TPRA1: variants seen among roughly 807,000 people sequenced by gnomAD.
TPRA1 encodes the protein transmembrane protein adipocyte associated 1.
TPRA1 carries 28 observed loss-of-function variants against 40.1 expected under a neutral mutation model. The observed-to-expected ratio is 0.70, with a 90% confidence interval of 0.52 to 0.96. The LOEUF is 0.96. Among genes scored for constraint, TPRA1 ranks in the 40% least tolerant of loss-of-function variants. The probability of loss-of-function intolerance (pLI) is 0.00; values close to 1 mark genes in which losing one functional copy is unlikely to be tolerated. For missense variants in TPRA1, 441 were observed against 482.6 expected (o/e 0.91, Z 0.81); for synonymous variants, 219 against 209.7 (o/e 1.04, Z -0.38).
At chr3:127,574,646 G>A (rs1340856830) in intron 10 of TPRA1, among the ~76,000 whole-genome samples, 1 of 152,212 alleles carries the variant, frequency 6.6e-6, no homozygotes, top group African/African-American at 2.4e-5. Context: ...CACACAGTAG[G>A]TGCTCAATGA....
Position 127,580,123 on chromosome 3 carries a change from A to T in TPRA1, c.24T>A (p.Thr8=). MDTLEEV[T]WANGSTALPP... ...GTAGCGCTGTGCTCCCATTGGCCCAAGTCACCTCCTCCAGGGTGTCCATCC... is the reference window on the plus strand; with the variant it reads ...GTAGCGCTGTGCTCCCATTGGCCCATGTCACCTCCTCCAGGGTGTCCATCC... Residue 8 remains threonine, a synonymous_variant, in exon 2 of 11, where the codon ACT becomes ACA. Transcript: ENST00000355552. The T allele has an allele frequency of 6.2e-7, 1 of 1,613,418 alleles. No homozygotes were observed. Among genetic ancestry groups the T allele is most frequent in the Non-Finnish European group, 8.5e-7 (1 of 1,179,986 alleles).
intron 3 of TPRA1, among the ~76,000 whole-genome samples, chr3:127,578,086 A>G (rs2073707068): frequency 6.7e-6 from 1 of 149,096 alleles, no homozygotes; most frequent in Admixed American, 6.9e-5. Context: ...CCTGAGGCCC[A>G]GGAACTGCCC....
intron 2 of TPRA1, 24 bp from the exon 3 acceptor site, chr3:127,579,896 G>A (rs1053419819): frequency 1.9e-6 from 3 of 1,612,164 alleles, no homozygotes; most frequent in Non-Finnish European, 1.7e-6. Flanking sequence ...ACAGGAGCTG[G>A]CTCACTGGCG....
intron 3 of TPRA1, among the ~76,000 whole-genome samples, chr3:127,577,966 TG>T (rs2073702250): frequency 6.6e-6 from 1 of 152,216 alleles, no homozygotes; most frequent in Non-Finnish European, 1.5e-5. Flanking sequence ...ACCACCCTGC[TG>T]CCACAAGGGC....
intron 1 of TPRA1, among the ~76,000 whole-genome samples, chr3:127,581,695 C>T (rs1407928713): frequency 2.0e-5 from 3 of 151,386 alleles, no homozygotes; most frequent in Non-Finnish European, 4.4e-5. Flanking sequence ...GGCAGATTGC[C>T]TGAGCTCAGG....
In TPRA1 at chr3:127,586,629, G is replaced by C. The variant is rs143026365; in HGVS notation, c.-18+3781C>G. Among the ~76,000 whole-genome samples, 756 of 152,332 alleles carry C rather than the reference G, an allele frequency of 5.0e-3. 6 individuals carry two copies. The highest frequency in any genetic ancestry group is 0.017 in the African/African-American group (718 of 41,580). ...CTGCCTGAGCCTCCCAAAGTGCTGA[G>C]ATTACAGGTGTGGGCCACCATGACC... On this transcript the variant is annotated intron_variant, in intron 1 of 10. Transcript: ENST00000355552.
At chr3:127,579,651 TG>T in intron 3 of TPRA1, 88 bp downstream of exon 3, 1 of 1,443,924 alleles carries the variant, frequency 6.9e-7, no homozygotes, top group Non-Finnish European at 9.5e-7. Flanking sequence ...CAGCCATACC[TG>T]AAGCTTATTT....
rs749275394 is a variant in TPRA1 at position 127,573,512 on chromosome 3, C to T, written c.*9G>A. ...CTGGCCTGTCCTCCACAGGCCCTGG[C>T]AGCTGCCCTCAGGCATTGATGGCCT... On this transcript the variant is annotated 3_prime_UTR_variant, in exon 11 of 11. Transcript: ENST00000355552. The T allele has an allele frequency of 5.6e-6, 9 of 1,606,768 alleles. No individual in the cohort carries two copies. The highest frequency in any genetic ancestry group is 1.7e-5 in the Admixed American group (1 of 59,868).
chr3:127,578,180 G>C (rs1196613063), intron 3 of TPRA1, among the ~76,000 whole-genome samples: 1 of 152,202 alleles, frequency 6.6e-6, no homozygotes, highest in Non-Finnish European at 1.5e-5. Context: ...TCTGTCTTTT[G>C]TGCCATGAGA....
chr3:127,577,359 C>T (rs1463999915), intron 3 of TPRA1, among the ~76,000 whole-genome samples: 2 of 152,202 alleles, frequency 1.3e-5, no homozygotes, highest in Non-Finnish European at 2.9e-5. Flanking sequence ...AGCAGGAGTG[C>T]GCATGGTGGA....
chr3:127,579,945 C>T (rs1310780148), intron 2 of TPRA1, 73 bp from the exon 3 acceptor site: 2 of 1,608,724 alleles, frequency 1.2e-6, no homozygotes, highest in African/African-American at 2.7e-5. Flanking sequence ...CACAATCTGC[C>T]CCACCCTCAC....
rs1047890687 is a variant in TPRA1, at chr3:127,590,502, G to T, written c.-110C>A. 1 of 152,372 alleles carries T rather than the reference G, an allele frequency of 6.6e-6. No individual in the cohort carries two copies. Among genetic ancestry groups the T allele is most frequent in the East Asian group, 1.9e-4 (1 of 5,170 alleles). The allele number at this position is 152,372 out of a possible 1,614,324, so 9.4% of individuals were successfully genotyped here. A position where few individuals can be genotyped will look rare whatever the true frequency, so the allele number is the denominator to read the frequency against. On this transcript the variant is annotated 5_prime_UTR_variant, in exon 1 of 11. Transcript: ENST00000355552. ...GGTGTGCGCGGATCCAGCACAGGCC[G>T]CGGGACTCCGGCCTCCAGCGCCAGA...
At position 127,573,218 on chromosome 3, in the gene TPRA1, G is replaced by A. The variant is rs754379366; in HGVS notation, c.*303C>T. ...AGCCAGCCCTGCCCTCGTGCCAAGG[G>A]TGCAGAGAAGGAGGGTGCCCTCAGC... On this transcript the variant is annotated 3_prime_UTR_variant, in exon 11 of 11. Transcript: ENST00000355552. 3 of 328,690 alleles carry A rather than the reference G, an allele frequency of 9.1e-6. No homozygotes were observed. Among genetic ancestry groups the A allele is most frequent in the Non-Finnish European group, 1.7e-5 (3 of 177,162 alleles). The allele number at this position is 328,690 out of a possible 1,614,324, so 20.4% of individuals were successfully genotyped here.
Position 127,572,968 on chromosome 3 carries a change from G to A in TPRA1, c.*553C>T, listed in dbSNP as rs1395684845. On this transcript the variant is annotated 3_prime_UTR_variant, in exon 11 of 11. Transcript: ENST00000355552. ...CTTGGGCACTGGGGACTGCTCCTTG[G>A]TTGAGCAGAGGCCCCCTGAGCCTCC... 2 of 152,282 alleles carry A rather than the reference G, an allele frequency of 1.3e-5. No individual in the cohort carries two copies. The highest frequency in any genetic ancestry group is 1.5e-5 in the Non-Finnish European group (1 of 68,104). The allele number at this position is 152,282 out of a possible 1,614,324, so 9.4% of individuals were successfully genotyped here. A position where few individuals can be genotyped will look rare whatever the true frequency, so the allele number is the denominator to read the frequency against.
intron 3 of TPRA1, among the ~76,000 whole-genome samples, chr3:127,578,889 C>T (rs1486492143): frequency 1.3e-5 from 2 of 152,140 alleles, no homozygotes; most frequent in African/African-American, 4.8e-5. Context: ...GTCAGGCAGG[C>T]CCTGCAGACA....
At position 127,573,679 on chromosome 3, in the gene TPRA1, C is replaced by G; in HGVS notation, c.964G>C (p.Ala322Pro). Residue 322 changes from alanine to proline, a missense_variant, in exon 11 of 11, where the codon GCT becomes CCT. Transcript: ENST00000355552. Reference sequence around the variant, plus strand: ...GCTGAGGCCCCAGCAGCCCCTGCAGCCTCCAGGCCCTCCCGCCGGGCCACA... The same window carrying G: ...GCTGAGGCCCCAGCAGCCCCTGCAGGCTCCAGGCCCTCCCGCCGGGCCACA... ...YAVARREGLE[A>P]AGAAGASAAS... The G allele has an allele frequency of 6.2e-7, 1 of 1,613,568 alleles. No individual in the cohort carries two copies. Among genetic ancestry groups the G allele is most frequent in the Non-Finnish European group, 8.5e-7 (1 of 1,179,898 alleles).
chr3:127,577,360 G>A (rs1003511765), intron 3 of TPRA1, among the ~76,000 whole-genome samples: 1 of 152,204 alleles, frequency 6.6e-6, no homozygotes, highest in Admixed American at 6.5e-5. Flanking sequence ...GCAGGAGTGC[G>A]CATGGTGGAG....
intron 7 of TPRA1, 27 bp downstream of exon 7, chr3:127,575,913 C>T: frequency 2.5e-6 from 4 of 1,612,734 alleles, no homozygotes; most frequent in Non-Finnish European, 3.4e-6. Context: ...GCCCCAGCCA[C>T]CCCAGCTGCC....
chr3:127,589,384 G>T (rs1344157837), intron 1 of TPRA1, among the ~76,000 whole-genome samples: 1 of 151,944 alleles, frequency 6.6e-6, no homozygotes, highest in African/African-American at 2.4e-5. Flanking sequence ...CCACACCGAC[G>T]GGTTGTTGAG....
Sources: gnomAD v4.1 joint callset for allele counts (sites outside exome capture counted in the v4.1 genomes callset) on GRCh38, gnomAD v4.1.1 for gene constraint, MANE v1.5 for transcripts, NCBI Gene and HGNC (gene_info 2026-07-23, HGNC 2026-07-21) for gene names.